Variants in GRM5 observed in about 807,000 individuals in gnomAD.
The protein encoded by GRM5 is glutamate metabotropic receptor 5, also known as metabotropic glutamate receptor 5.
A neutral mutation model predicts 83.1 loss-of-function variants in GRM5; 19 were observed. That is an observed-to-expected ratio of 0.23 (90% CI 0.16 to 0.34). The LOEUF is 0.34. Ranked by LOEUF, GRM5 falls within the 10% of genes least tolerant of loss-of-function variation. The pLI, the probability that GRM5 is intolerant of heterozygous loss-of-function variation, is 1.00. For missense variants in GRM5, 1,160 were observed against 1,588.3 expected (o/e 0.73, Z 4.58); for synonymous variants, 675 against 633.6 (o/e 1.07, Z -0.98).
intron 3 of GRM5, among the ~76,000 whole-genome samples, chr11:88,819,992 C>T (rs1943758666): frequency 6.6e-6 from 1 of 152,124 alleles, no homozygotes; most frequent in Admixed American, 6.6e-5. Flanking sequence ...GCCCTTATGA[C>T]CTAATCACCT....
At chr11:88,636,479 T>C (rs1339201066) in intron 4 of GRM5, among the ~76,000 whole-genome samples, 2 of 152,104 alleles carry the variant, frequency 1.3e-5, no homozygotes, top group Non-Finnish European at 2.9e-5. Flanking sequence ...AGAGCTGAGA[T>C]TGTGCCACTG....
At chr11:88,586,113 C>T (rs182198423) in intron 7 of GRM5, among the ~76,000 whole-genome samples, 1 of 151,962 alleles carries the variant, frequency 6.6e-6, no homozygotes, top group East Asian at 1.9e-4. Context: ...TGTTTACACA[C>T]ACACACACAC....
At chr11:88,928,519 A>G (rs1425012335) in intron 2 of GRM5, among the ~76,000 whole-genome samples, 1 of 151,000 alleles carries the variant, frequency 6.6e-6, no homozygotes, top group Non-Finnish European at 1.5e-5. Flanking sequence ...CTATTAATTC[A>G]TAATGAGTGG....
At chr11:88,531,958 G>A (rs117170803) in intron 8 of GRM5, among the ~76,000 whole-genome samples, 1,929 of 152,088 alleles carry the variant, frequency 0.013, 22 homozygotes, top group Non-Finnish European at 0.019. Context: ...ATTCAGCTTA[G>A]TGAAAACCAC....
intron 3 of GRM5, among the ~76,000 whole-genome samples, chr11:88,789,777 C>A (rs757698642): frequency 6.6e-6 from 1 of 152,154 alleles, no homozygotes. Flanking sequence ...AAATTATATG[C>A]TGTACCAATA....
chr11:88,990,814 C>G (rs1012322003), intron 2 of GRM5, among the ~76,000 whole-genome samples: 61 of 151,070 alleles, frequency 4.0e-4, no homozygotes, highest in East Asian at 1.7e-3. Context: ...ATTCAACAAC[C>G]CTTCATGCTA....
At chr11:88,989,367 C>A (rs1190546252) in intron 2 of GRM5, among the ~76,000 whole-genome samples, 161 of 135,220 alleles carry the variant, frequency 1.2e-3, no homozygotes, top group Non-Finnish European at 2.0e-3. Flanking sequence ...AAATCAAGTC[C>A]TGAGTGACCT....
chr11:88,752,542 G>A (rs1017783627), intron 3 of GRM5, among the ~76,000 whole-genome samples: 3 of 152,138 alleles, frequency 2.0e-5, no homozygotes, highest in Non-Finnish European at 4.4e-5. Context: ...GTAATTTATG[G>A]ATTCAATTAT....
intron 2 of GRM5, among the ~76,000 whole-genome samples, chr11:88,887,065 T>C (rs2135580136): frequency 6.6e-6 from 1 of 152,246 alleles, no homozygotes; most frequent in African/African-American, 2.4e-5. Context: ...AGCTAACCAA[T>C]TCTCTCCCTT....
At chr11:88,994,909 C>A (rs2135056887) in intron 2 of GRM5, among the ~76,000 whole-genome samples, 1 of 152,080 alleles carries the variant, frequency 6.6e-6, no homozygotes, top group Non-Finnish European at 1.5e-5. Flanking sequence ...TTAGTTTATC[C>A]TCATAACATT....
chr11:88,571,957 T>C (rs1470482898), intron 7 of GRM5, among the ~76,000 whole-genome samples: 1 of 152,090 alleles, frequency 6.6e-6, no homozygotes, highest in Non-Finnish European at 1.5e-5. Flanking sequence ...AATTAGTTGG[T>C]AAAGACATTT....
At chr11:88,621,337 C>T (rs1418302158) in intron 4 of GRM5, among the ~76,000 whole-genome samples, 2 of 152,100 alleles carry the variant, frequency 1.3e-5, no homozygotes, top group Non-Finnish European at 1.5e-5. Flanking sequence ...TCATTTTTGT[C>T]CAATTAGCTT....
intron 4 of GRM5, among the ~76,000 whole-genome samples, chr11:88,614,577 C>A (rs77389204): frequency 0.019 from 2,951 of 152,114 alleles, 77 homozygotes; most frequent in East Asian, 0.065. Context: ...CAATTTTGAG[C>A]CTTTTTAATT....
chr11:88,682,627 C>T (rs1376085195), intron 3 of GRM5, among the ~76,000 whole-genome samples: 1 of 151,922 alleles, frequency 6.6e-6, no homozygotes, highest in Non-Finnish European at 1.5e-5. Context: ...TACTTTTTGA[C>T]AGTTACCCAA....
At chr11:88,875,099 A>G (rs1464345800) in intron 2 of GRM5, among the ~76,000 whole-genome samples, 1 of 145,982 alleles carries the variant, frequency 6.9e-6, no homozygotes, top group Non-Finnish European at 1.5e-5. Context: ...TTTTTTCATG[A>G]AAGATTTCTT....
At chr11:88,955,389 A>G (rs1590994624) in intron 2 of GRM5, among the ~76,000 whole-genome samples, 1 of 152,356 alleles carries the variant, frequency 6.6e-6, no homozygotes, top group African/African-American at 2.4e-5. Context: ...ATGATTACGT[A>G]TGCCTTACTA....
At chr11:88,901,902 G>A (rs1320876028) in intron 2 of GRM5, among the ~76,000 whole-genome samples, 1 of 151,996 alleles carries the variant, frequency 6.6e-6, no homozygotes, top group Non-Finnish European at 1.5e-5. Flanking sequence ...CCATCTCTTA[G>A]GCAAACAGCC....
chr11:88,857,406 A>G (rs545436545), intron 2 of GRM5, among the ~76,000 whole-genome samples: 164 of 152,154 alleles, frequency 1.1e-3, no homozygotes, highest in Non-Finnish European at 2.0e-3. Context: ...CTAAATATAC[A>G]TATAAGCAGT....
chr11:89,051,971 G>T (rs970750057), intron 1 of GRM5, among the ~76,000 whole-genome samples: 1 of 152,196 alleles, frequency 6.6e-6, no homozygotes, highest in Non-Finnish European at 1.5e-5. Flanking sequence ...TGTATTTGCT[G>T]ATAGACTAGA....
Sources: allele counts gnomAD v4.1 joint callset (sites outside exome capture counted in the v4.1 genomes callset), GRCh38; gene constraint gnomAD v4.1.1; transcripts MANE v1.5; gene names NCBI Gene and HGNC (gene_info 2026-07-23, HGNC 2026-07-21).